NGEF: variants seen among roughly 807,000 people sequenced by gnomAD.
NGEF encodes neuronal guanine nucleotide exchange factor.
NGEF carries 31 observed loss-of-function variants against 80.9 expected under a neutral mutation model. The ratio of observed to expected loss-of-function variants is 0.38; its 90% CI spans 0.29 to 0.52. The LOEUF (loss-of-function observed/expected upper bound fraction) is 0.52. Ranked by LOEUF, NGEF falls within the 20% of genes least tolerant of loss-of-function variation. The pLI, the probability that NGEF is intolerant of heterozygous loss-of-function variation, is 0.84. For synonymous variants in NGEF, 371 were observed against 370.2 expected, an observed-to-expected ratio of 1.00 and a Z score of -0.03; for missense variants, 709 against 926.2, an observed-to-expected ratio of 0.77 and a Z score of 3.04.
intron 14 of NGEF, among the ~76,000 whole-genome samples, chr2:232,880,440 C>T (rs1691459130): frequency 6.6e-6 from 1 of 152,214 alleles, no homozygotes. Context: ...GCCCCTGGGC[C>T]TTTGGGAACA....
At chr2:232,969,004 G>A (rs1167430116) in intron 3 of NGEF, among the ~76,000 whole-genome samples, 2 of 152,184 alleles carry the variant, frequency 1.3e-5, no homozygotes, top group East Asian at 1.9e-4. Flanking sequence ...CCGCGGTCAC[G>A]ACCCTCTAGA....
At chr2:232,884,439 T>C (rs1324046622) in intron 10 of NGEF, among the ~76,000 whole-genome samples, 1 of 152,232 alleles carries the variant, frequency 6.6e-6, no homozygotes, top group Non-Finnish European at 1.5e-5. Context: ...CTTAAAGTTA[T>C]GTGCACGTGC....
At chr2:232,880,495 C>A (rs1691461126) in intron 14 of NGEF, among the ~76,000 whole-genome samples, 1 of 152,240 alleles carries the variant, frequency 6.6e-6, no homozygotes, top group Non-Finnish European at 1.5e-5. Flanking sequence ...CTGGAGGTCA[C>A]AGCCTGAGGC....
chr2:232,882,363 G>A (rs1035000606), intron 12 of NGEF, 98 bp from the exon 13 acceptor site: 28 of 1,109,764 alleles, frequency 2.5e-5, no homozygotes, highest in East Asian at 7.6e-5. Flanking sequence ...TCGGATCTGC[G>A]TCCACCATCC....
intron 3 of NGEF, among the ~76,000 whole-genome samples, chr2:232,955,954 T>A (rs1177218151): frequency 6.6e-6 from 1 of 152,252 alleles, no homozygotes; most frequent in South Asian, 2.1e-4. Flanking sequence ...GCTACCTTGT[T>A]AGTTTGGCGT....
chr2:232,941,844 T>C (rs981831951), intron 3 of NGEF, among the ~76,000 whole-genome samples: 1 of 152,168 alleles, frequency 6.6e-6, no homozygotes, highest in Admixed American at 6.5e-5. Context: ...TTGCAAAGAA[T>C]CACGAATTCA....
At chr2:232,983,331 GGA>G (rs1694475325) in intron 1 of NGEF, among the ~76,000 whole-genome samples, 1 of 152,128 alleles carries the variant, frequency 6.6e-6, no homozygotes, top group African/African-American at 2.4e-5. Context: ...GAGGTAGAGA[GGA>G]GGGTCCCCGA....
chr2:232,893,367 T>C (rs776801968), intron 6 of NGEF, among the ~76,000 whole-genome samples: 8 of 152,088 alleles, frequency 5.3e-5, no homozygotes, highest in Non-Finnish European at 1.2e-4. Flanking sequence ...CCCTGGGGGG[T>C]AGGGACTGGC....
chr2:232,913,046 G>A (rs1265185974), intron 5 of NGEF, among the ~76,000 whole-genome samples: 1 of 151,872 alleles, frequency 6.6e-6, no homozygotes, highest in African/African-American at 2.4e-5. Flanking sequence ...CACTTGCTTT[G>A]GTTTTGCTCT....
chr2:232,980,203 C>A (rs1192431424), intron 1 of NGEF, among the ~76,000 whole-genome samples: 2 of 152,172 alleles, frequency 1.3e-5, no homozygotes, highest in Non-Finnish European at 2.9e-5. Context: ...GTGGCTGTTA[C>A]ACCTCCCAGC....
At chr2:232,911,316 T>G (rs553557451) in intron 5 of NGEF, among the ~76,000 whole-genome samples, 4 of 152,168 alleles carry the variant, frequency 2.6e-5, no homozygotes, top group African/African-American at 9.6e-5. Flanking sequence ...CAATCAACCA[T>G]ACTTGTTGTG....
chr2:232,896,225 A>G (rs1692054743), intron 5 of NGEF, among the ~76,000 whole-genome samples: 1 of 152,180 alleles, frequency 6.6e-6, no homozygotes, highest in Non-Finnish European at 1.5e-5. Context: ...TCAAGATGAG[A>G]TCATCCTGGG....
intron 6 of NGEF, among the ~76,000 whole-genome samples, chr2:232,893,784 TAAA>T (rs1167443402): frequency 6.6e-6 from 1 of 151,564 alleles, no homozygotes; most frequent in East Asian, 1.9e-4. Context: ...TCAAAAAAAA[TAAA>T]AAAGAAGTGC....
chr2:232,883,519 G>A, intron 11 of NGEF, 53 bp from the exon 12 acceptor site: 3 of 1,462,174 alleles, frequency 2.1e-6, no homozygotes, highest in Non-Finnish European at 2.7e-6. Flanking sequence ...GCCTGTGGGG[G>A]TCCCAGGAGA....
intron 5 of NGEF, among the ~76,000 whole-genome samples, chr2:232,911,840 T>C (rs1692696457): frequency 6.6e-6 from 1 of 152,246 alleles, no homozygotes; most frequent in Non-Finnish European, 1.5e-5. Flanking sequence ...GATATTTGTG[T>C]GTTGGCCTTG....
At chr2:232,906,765 A>G (rs935123300) in intron 5 of NGEF, among the ~76,000 whole-genome samples, 1 of 151,426 alleles carries the variant, frequency 6.6e-6, no homozygotes. Context: ...GAAAAGATTG[A>G]GAAATCGGAT....
Position 232,918,632 on chromosome 2 carries a change from T to TTTG in NGEF, c.828+1651_828+1652insCAA, listed in dbSNP as rs1381526090. On this transcript the variant is annotated intron_variant, in intron 5 of 14. Coordinates refer to ENST00000264051, the MANE Select transcript of NGEF (RefSeq NM_019850.3). ...TCTACTAGGATTTATTTCTAAGTTT[T>TTTG]TTTTTTTTTTTTTTTTTTTTTAGAC... 9.7e-4 allele frequency among the ~76,000 whole-genome samples: 126 copies of TTTG among 130,080 alleles called. 3 individuals are homozygous for TTTG. Among genetic ancestry groups the TTTG allele is most frequent in the Non-Finnish European group, 1.4e-3 (80 of 58,356 alleles). The allele number at this position is 130,080 out of a possible 152,430, so 85.3% of individuals were successfully genotyped here.
At chr2:232,953,696 A>G (rs961521712) in intron 3 of NGEF, among the ~76,000 whole-genome samples, 4 of 151,990 alleles carry the variant, frequency 2.6e-5, no homozygotes, top group African/African-American at 9.7e-5. Context: ...GGTTTCTTCT[A>G]TGGAGCATAA....
chr2:232,893,261 T>C (rs1289444815), intron 6 of NGEF, among the ~76,000 whole-genome samples: 1 of 152,240 alleles, frequency 6.6e-6, no homozygotes, highest in African/African-American at 2.4e-5. Flanking sequence ...ACGGGGCTGA[T>C]GGTGCTGGGA....
Sources: allele counts gnomAD v4.1 joint callset (sites outside exome capture counted in the v4.1 genomes callset), GRCh38; gene constraint gnomAD v4.1.1; transcripts MANE v1.5; gene names NCBI Gene and HGNC (gene_info 2026-07-23, HGNC 2026-07-21).